Variants in CPEB3 observed in about 807,000 individuals in gnomAD.
CPEB3 encodes cytoplasmic polyadenylation element binding protein 3, also known as cytoplasmic polyadenylation element-binding protein 3.
A neutral mutation model predicts 67.2 loss-of-function variants in CPEB3; 20 were observed. The observed-to-expected ratio is 0.30, with a 90% CI of 0.21 to 0.43. CPEB3 has a LOEUF of 0.43. CPEB3 is among the 20% of genes least tolerant of loss of function. The pLI is 1.00. For synonymous variants in CPEB3, 376 were observed against 393.1 expected (o/e 0.96, Z 0.51); for missense variants, 746 against 968.6 (o/e 0.77, Z 3.05).
At chr10:92,106,505 A>G (rs1326675147) in intron 7 of CPEB3, among the ~76,000 whole-genome samples, 1 of 152,150 alleles carries the variant, frequency 6.6e-6, no homozygotes, top group Admixed American at 6.5e-5. Flanking sequence ...GGAGTCTTTA[A>G]GGGTAGGAAT....
At chr10:92,077,244 C>A (rs1447935427) in intron 9 of CPEB3, among the ~76,000 whole-genome samples, 1 of 152,090 alleles carries the variant, frequency 6.6e-6, no homozygotes, top group Non-Finnish European at 1.5e-5. Context: ...AAAAATAAAA[C>A]CATGAATGAA....
At chr10:92,248,539 T>C (rs1174621962) in intron 1 of CPEB3, among the ~76,000 whole-genome samples, 1 of 152,204 alleles carries the variant, frequency 6.6e-6, no homozygotes, top group Admixed American at 6.6e-5. Context: ...TTGCTAAATA[T>C]ACGGATAAAT....
At chr10:92,110,303 T>C (rs1048084418) in intron 7 of CPEB3, among the ~76,000 whole-genome samples, 5 of 152,174 alleles carry the variant, frequency 3.3e-5, no homozygotes, top group Non-Finnish European at 4.4e-5. Flanking sequence ...TTACTCTATT[T>C]GCCACATCTA....
intron 4 of CPEB3, among the ~76,000 whole-genome samples, chr10:92,145,577 G>C (rs1015831437): frequency 2.0e-5 from 3 of 151,250 alleles, no homozygotes; most frequent in Admixed American, 6.6e-5. Context: ...GGAGGATGCA[G>C]TGAGCCAAGA....
At chr10:92,178,233 A>G (rs1374150459) in intron 4 of CPEB3, among the ~76,000 whole-genome samples, 1 of 148,208 alleles carries the variant, frequency 6.7e-6, no homozygotes, top group Non-Finnish European at 1.5e-5. Flanking sequence ...ATCTCGGCTC[A>G]CTGCAACCTC....
At chr10:92,216,049 A>ATTTTT (rs71025388) in intron 2 of CPEB3, among the ~76,000 whole-genome samples, 31 of 138,320 alleles carry the variant, frequency 2.2e-4, no homozygotes, top group African/African-American at 7.4e-4. Flanking sequence ...CGCCCAGCTC[A>ATTTTT]TTTTTTTTTT....
chr10:92,240,467 T>C (rs1851794271), intron 1 of CPEB3, 106 bp from the exon 2 acceptor site: 1 of 1,079,326 alleles, frequency 9.3e-7, no homozygotes, highest in Non-Finnish European at 1.3e-6. Context: ...CCACCGCTAC[T>C]AGCCAATTGC....
intron 2 of CPEB3, among the ~76,000 whole-genome samples, chr10:92,197,472 C>T (rs1849297042): frequency 6.6e-6 from 1 of 152,154 alleles, no homozygotes; most frequent in Non-Finnish European, 1.5e-5. Context: ...GGCAACTAAC[C>T]TGTTAGACCT....
intron 6 of CPEB3, among the ~76,000 whole-genome samples, chr10:92,120,098 CAAAAAA>C (rs34785763): frequency 2.2e-5 from 1 of 45,284 alleles, no homozygotes; most frequent in African/African-American, 1.3e-4. Context: ...ACTAAAAATA[CAAAAAA>C]AAAAAAAAAA....
intron 2 of CPEB3, among the ~76,000 whole-genome samples, chr10:92,200,648 T>C (rs1226015605): frequency 6.6e-6 from 1 of 152,084 alleles, no homozygotes; most frequent in Non-Finnish European, 1.5e-5. Context: ...CTTAAAGCTT[T>C]TTATCAGATT....
In CPEB3 at chr10:92,239,363, T is replaced by C. The variant is rs1328648313; in HGVS notation, c.988A>G (p.Asn330Asp). The C allele has an allele frequency of 1.2e-6, 2 of 1,605,990 alleles. No homozygotes were observed. The highest frequency in any genetic ancestry group is 4.5e-5 in the East Asian group (2 of 44,720). Reference protein sequence around the residue: ...DNAFRTDNGNNLLPFQDRSRP... With the variant: ...DNAFRTDNGNDLLPFQDRSRP... ...AGTATTACCTGAAATGGCAACAGAT[T>C]GTTACCATTATCGGTCCGGAAAGCG... Residue 330 changes from asparagine (N) to aspartate (D), a missense_variant, in exon 2 of 10, where the codon AAT becomes GAT. By Grantham distance (23) the Asn-to-Asp change is conservative. Transcript: ENST00000265997. This position sits in a 1 kb window ranked among gnomAD's most constrained non-coding sequence, Gnocchi z 6.0.
Position 92,059,203 on chromosome 10 carries a change from G to C in CPEB3, c.1870-6764C>G, listed in dbSNP as rs770066620. On this transcript the variant is annotated intron_variant, in intron 9 of 9. Transcript: ENST00000265997. ...TAGCCAGGCATGGTAGCACATGCCT[G>C]TAATCCCAGCTACCTGGAAGCTAAG... Among the ~76,000 whole-genome samples, 79 of 151,804 alleles carry C rather than the reference G, an allele frequency of 5.2e-4. 1 individual carries two copies. Among genetic ancestry groups the C allele is most frequent in the Non-Finnish European group, 8.4e-4 (57 of 67,954 alleles).
chr10:92,123,376 A>G (rs1414408419), intron 6 of CPEB3, among the ~76,000 whole-genome samples: 1 of 98,082 alleles, frequency 1.0e-5, no homozygotes, highest in Non-Finnish European at 1.9e-5. Context: ...TGAGCATTAC[A>G]TTTAAGTCAC....
intron 6 of CPEB3, among the ~76,000 whole-genome samples, chr10:92,112,205 T>C (rs1844782783): frequency 6.8e-6 from 1 of 146,190 alleles, no homozygotes; most frequent in African/African-American, 2.5e-5. Context: ...ATCTCTGTGG[T>C]ATGATCTCGG....
chr10:92,192,397 A>G, intron 3 of CPEB3, 80 bp downstream of exon 3: 1 of 1,370,578 alleles, frequency 7.3e-7, no homozygotes, highest in Non-Finnish European at 1.0e-6. Context: ...CAAAAAACAA[A>G]CCAGAAAAAT....
chr10:92,255,450 A>G (rs984134856), intron 1 of CPEB3, among the ~76,000 whole-genome samples: 1 of 152,202 alleles, frequency 6.6e-6, no homozygotes, highest in East Asian at 1.9e-4. Context: ...TTCTTTGTGC[A>G]TTCTTCATAA....
chr10:92,168,297 A>G (rs906624854), intron 4 of CPEB3, among the ~76,000 whole-genome samples: 16 of 152,210 alleles, frequency 1.1e-4, no homozygotes, highest in African/African-American at 3.9e-4. Flanking sequence ...AGGTATCTTA[A>G]GCAAAACAGG....
chr10:92,148,339 C>T (rs1846790825), intron 4 of CPEB3, among the ~76,000 whole-genome samples: 1 of 152,182 alleles, frequency 6.6e-6, no homozygotes, highest in Non-Finnish European at 1.5e-5. Flanking sequence ...GTTCCCTCTA[C>T]CTAAAACAAA....
chr10:92,252,931 CTT>C (rs35185549), intron 1 of CPEB3, among the ~76,000 whole-genome samples: 344 of 149,018 alleles, frequency 2.3e-3, no homozygotes, highest in Non-Finnish European at 3.9e-3. Context: ...CTTAAAGTTC[CTT>C]TTTTTTTTGA....
Sources: allele counts gnomAD v4.1 joint callset (sites outside exome capture counted in the v4.1 genomes callset), GRCh38; gene constraint gnomAD v4.1.1; non-coding constraint Gnocchi (gnomAD v3.1); transcripts MANE v1.5; gene names NCBI Gene and HGNC (gene_info 2026-07-23, HGNC 2026-07-21).